The following RIT2 variants were observed in gnomAD, a reference collection of about 807,000 sequenced individuals.
RIT2 encodes the protein Ras like without CAAX 2.
Under a neutral mutation model 23.7 loss-of-function variants are expected in RIT2, and 24 were observed. That is an observed-to-expected ratio of 1.01 (90% CI 0.73 to 1.43). The LOEUF (loss-of-function observed/expected upper bound fraction) is 1.43, where lower values mean the gene tolerates loss of function less well. Ranked by LOEUF, RIT2 falls within the 40% of genes most tolerant of loss-of-function variation. The probability of loss-of-function intolerance (pLI) is 0.00; values close to 1 mark genes in which losing one functional copy is unlikely to be tolerated. For missense variants in RIT2, 236 were observed against 266.9 expected, an observed-to-expected ratio of 0.88 and a Z score of 0.81; for synonymous variants, 107 against 91.1, an observed-to-expected ratio of 1.17 and a Z score of -0.99.
intron 4 of RIT2, among the ~76,000 whole-genome samples, chr18:42,782,046 A>G (rs1423097806): frequency 6.6e-6 from 1 of 152,198 alleles, no homozygotes; most frequent in Admixed American, 6.5e-5. Flanking sequence ...TCAGAAAACA[A>G]TCTAACTGTT....
chr18:42,851,145 C>T (rs1907044267), intron 4 of RIT2, among the ~76,000 whole-genome samples: 1 of 152,072 alleles, frequency 6.6e-6, no homozygotes, highest in Non-Finnish European at 1.5e-5. Context: ...CAGATGATGC[C>T]AAAAGTCTAG....
chr18:42,973,304 T>C (rs1359680882), intron 3 of RIT2, among the ~76,000 whole-genome samples: 2 of 151,828 alleles, frequency 1.3e-5, no homozygotes, highest in Non-Finnish European at 2.9e-5. Flanking sequence ...TTTTTATGCT[T>C]TCTTTTTTGT....
intron 4 of RIT2, among the ~76,000 whole-genome samples, chr18:42,875,600 T>C (rs1300213090): frequency 1.3e-5 from 2 of 152,044 alleles, no homozygotes; most frequent in East Asian, 1.9e-4. Context: ...AGCTGAACTA[T>C]TGTTTAAAAG....
At chr18:43,017,728 A>G (rs1478037123) in intron 2 of RIT2, among the ~76,000 whole-genome samples, 1 of 152,014 alleles carries the variant, frequency 6.6e-6, no homozygotes, top group African/African-American at 2.4e-5. Flanking sequence ...AGGGAGAGTT[A>G]TTATTTCCAT....
At chr18:42,921,210 T>C (rs1909048381) in intron 4 of RIT2, among the ~76,000 whole-genome samples, 1 of 152,174 alleles carries the variant, frequency 6.6e-6, no homozygotes, top group African/African-American at 2.4e-5. Context: ...GAATAATTAT[T>C]GCTATCACAA....
At chr18:42,807,639 A>C (rs866495287) in intron 4 of RIT2, among the ~76,000 whole-genome samples, 1 of 152,186 alleles carries the variant, frequency 6.6e-6, no homozygotes, top group South Asian at 2.1e-4. Context: ...AAACAAAACA[A>C]AACAAAAAAT....
intron 4 of RIT2, among the ~76,000 whole-genome samples, chr18:42,801,772 AG>A (rs1905546055): frequency 2.0e-5 from 3 of 152,254 alleles, no homozygotes; most frequent in South Asian, 2.1e-4. Context: ...CCATCTCCTG[AG>A]TTACAGAGGG....
At chr18:42,822,272 T>C (rs1174396816) in intron 4 of RIT2, among the ~76,000 whole-genome samples, 1 of 152,178 alleles carries the variant, frequency 6.6e-6, no homozygotes, top group Non-Finnish European at 1.5e-5. Flanking sequence ...TTAAAGCTTC[T>C]ACACCTGTAG....
rs539646368 is a variant in RIT2, at chr18:42,812,015, G to T, written c.427-68295C>A. 1.6e-4 allele frequency among the ~76,000 whole-genome samples: 24 copies of T among 152,102 alleles called. 1 individual carries two copies. Among genetic ancestry groups the T allele is most frequent in the Non-Finnish European group, 2.9e-4 (20 of 67,984 alleles). The stretch of plus-strand genomic sequence containing the variant: ...ATAAAGAAGATACTTGGAAGCAGAA[G>T]AAAACACAGCTACCTATAAATATGC... On this transcript the variant is annotated intron_variant, in intron 4 of 4. Coordinates refer to ENST00000326695, the MANE Select transcript of RIT2 (RefSeq NM_002930.4).
intron 2 of RIT2, among the ~76,000 whole-genome samples, chr18:42,992,090 G>A (rs551542329): frequency 4.6e-5 from 7 of 151,320 alleles, no homozygotes; most frequent in South Asian, 2.1e-4. Flanking sequence ...CCTTCCCTCC[G>A]TGTCTCTACC....
At chr18:43,034,123 G>A (rs770307951) in intron 1 of RIT2, among the ~76,000 whole-genome samples, 19 of 152,086 alleles carry the variant, frequency 1.2e-4, no homozygotes, top group Non-Finnish European at 2.4e-4. Context: ...TGGTATTAGA[G>A]TAAAAATAAA....
chr18:42,758,982 T>A (rs1395867319), intron 4 of RIT2, among the ~76,000 whole-genome samples: 1 of 152,162 alleles, frequency 6.6e-6, no homozygotes, highest in Non-Finnish European at 1.5e-5. Flanking sequence ...GCTATACAAA[T>A]GGCTTTCCTG....
At chr18:43,089,801 C>T (rs902964090) in intron 1 of RIT2, among the ~76,000 whole-genome samples, 12 of 152,046 alleles carry the variant, frequency 7.9e-5, no homozygotes, top group African/African-American at 2.9e-4. Flanking sequence ...GGATTCCCTA[C>T]TCAATAAATA....
chr18:42,971,896 A>C (rs1415703811), intron 3 of RIT2, among the ~76,000 whole-genome samples: 1 of 152,076 alleles, frequency 6.6e-6, no homozygotes, highest in African/African-American at 2.4e-5. Context: ...TCAAGTCTAC[A>C]TCAATAGAAA....
At chr18:42,943,951 T>C (rs914543018) in intron 3 of RIT2, among the ~76,000 whole-genome samples, 1 of 152,122 alleles carries the variant, frequency 6.6e-6, no homozygotes. Flanking sequence ...AGGACATCAC[T>C]ATGGGGTAAT....
At chr18:43,052,049 T>C (rs1036112886) in intron 1 of RIT2, among the ~76,000 whole-genome samples, 20 of 152,084 alleles carry the variant, frequency 1.3e-4, no homozygotes, top group African/African-American at 3.4e-4. Context: ...TGCCAGACAA[T>C]AGCTTGCTGA....
At chr18:43,084,460 C>T (rs1402410859) in intron 1 of RIT2, among the ~76,000 whole-genome samples, 1 of 152,162 alleles carries the variant, frequency 6.6e-6, no homozygotes, top group African/African-American at 2.4e-5. Flanking sequence ...GCACTATTTA[C>T]AGTAGCAATG....
chr18:42,759,855 G>T (rs1246252204), intron 4 of RIT2, among the ~76,000 whole-genome samples: 1 of 151,160 alleles, frequency 6.6e-6, no homozygotes, highest in Non-Finnish European at 1.5e-5. Flanking sequence ...TCGGCTCACC[G>T]CAACCTCCGC....
intron 1 of RIT2, among the ~76,000 whole-genome samples, chr18:43,080,097 G>T (rs757569969): frequency 7.2e-5 from 11 of 152,138 alleles, no homozygotes; most frequent in Non-Finnish European, 1.5e-4. Context: ...ATGTTTCTTT[G>T]TATTTATTAG....
Sources: gnomAD v4.1 joint callset for allele counts (sites outside exome capture counted in the v4.1 genomes callset) on GRCh38, gnomAD v4.1.1 for gene constraint, MANE v1.5 for transcripts, NCBI Gene and HGNC (gene_info 2026-07-23, HGNC 2026-07-21) for gene names.